ZC2HC1A: variants seen among roughly 807,000 people sequenced by gnomAD.
The protein encoded by ZC2HC1A is zinc finger C2HC-type containing 1A, also known as zinc finger C2HC domain-containing protein 1A.
A neutral mutation model predicts 40.7 loss-of-function variants in ZC2HC1A; 28 were observed. The ratio of observed to expected loss-of-function variants is 0.69; its 90% CI spans 0.51 to 0.94. The LOEUF is 0.94. Among genes scored for constraint, ZC2HC1A ranks in the 40% least tolerant of loss-of-function variants. The probability of loss-of-function intolerance (pLI) is 0.00; values close to 1 mark genes in which losing one functional copy is unlikely to be tolerated. For missense variants in ZC2HC1A, 389 were observed against 386.3 expected, an observed-to-expected ratio of 1.01 and a Z score of -0.06; for synonymous variants, 129 against 129.2, an observed-to-expected ratio of 1.00 and a Z score of 0.01.
chr8:78,669,307 G>GA (rs1258288640), intron 1 of ZC2HC1A, among the ~76,000 whole-genome samples: 1 of 143,732 alleles, frequency 7.0e-6, no homozygotes, highest in African/African-American at 3.0e-5. Flanking sequence ...TCCCTGCTAT[G>GA]AAAAAAATGG....
Position 78,689,335 on chromosome 8 carries a change from A to G in ZC2HC1A, c.466A>G (p.Thr156Ala), listed in dbSNP as rs17850447. The change falls in exon 5 of 9, where the codon ACA becomes GCA. Residue 156 changes from threonine (T) to alanine (A), a missense_variant. By Grantham distance (58) the Thr-to-Ala change is moderately conservative. Transcript: ENST00000263849. ...ARISNKGKFS[T>A]DTKGKPTSRT... The stretch of plus-strand genomic sequence containing the variant: ...TATTAGTAATAAAGGGAAATTTTCT[A>G]CAGATACCAAAGGAAAACCAACTTC... 8 of 1,601,612 alleles carry G rather than the reference A, an allele frequency of 5.0e-6. No homozygotes were observed. In the South Asian group the frequency reaches 5.6e-5, roughly 11 times the overall value.
intron 7 of ZC2HC1A, among the ~76,000 whole-genome samples, chr8:78,714,569 T>A (rs1811041043): frequency 6.6e-6 from 1 of 152,186 alleles, no homozygotes; most frequent in Non-Finnish European, 1.5e-5. Context: ...CCCAAGCCTC[T>A]GCTTTTAGTG....
intron 3 of ZC2HC1A, among the ~76,000 whole-genome samples, chr8:78,682,994 C>G (rs1563623936): frequency 6.6e-6 from 1 of 152,346 alleles, no homozygotes; most frequent in East Asian, 1.9e-4. Context: ...CCTTTGACTC[C>G]ATGTCTCACA....
intron 7 of ZC2HC1A, among the ~76,000 whole-genome samples, chr8:78,709,048 AT>A (rs1159546936): frequency 1.3e-5 from 2 of 152,180 alleles, no homozygotes; most frequent in Non-Finnish European, 2.9e-5. Context: ...CCCCATTTGA[AT>A]TGTTCCCTAG....
At chr8:78,705,840 C>T (rs1032064246) in intron 7 of ZC2HC1A, among the ~76,000 whole-genome samples, 17 of 151,960 alleles carry the variant, frequency 1.1e-4, no homozygotes, top group African/African-American at 4.1e-4. Flanking sequence ...TGGGGACTTA[C>T]TTAAAGAAGC....
intron 4 of ZC2HC1A, among the ~76,000 whole-genome samples, chr8:78,688,544 C>T (rs1810101296): frequency 6.6e-6 from 1 of 152,088 alleles, no homozygotes. Context: ...CATTTATTCC[C>T]AGTGTCTCAT....
Position 78,717,509 on chromosome 8 carries a change from A to AG in ZC2HC1A, c.*16_*17insG. The AG allele has an allele frequency of 3.2e-6, 5 of 1,554,948 alleles. No homozygotes were observed. The highest frequency in any genetic ancestry group is 4.3e-6 in the Non-Finnish European group (5 of 1,158,584). Reference sequence around the variant, plus strand: ...GATTCTATGAATAGAATCTCAAAAAAAAAAAAAAGCCAAGTTCAGAGTTTA... The same window carrying AG: ...GATTCTATGAATAGAATCTCAAAAAAGAAAAAAAAGCCAAGTTCAGAGTTTA... On this transcript the variant is annotated 3_prime_UTR_variant, in exon 9 of 9. Transcript: ENST00000263849.
chr8:78,697,253 T>A (rs536104893), intron 5 of ZC2HC1A, among the ~76,000 whole-genome samples, 154 bp from the exon 6 acceptor site: 1 of 152,380 alleles, frequency 6.6e-6, no homozygotes, highest in East Asian at 1.9e-4. Flanking sequence ...AATACATTAA[T>A]GATGTGCAAC....
chr8:78,667,194 C>A (rs997099997), intron 1 of ZC2HC1A, among the ~76,000 whole-genome samples: 1 of 152,126 alleles, frequency 6.6e-6, no homozygotes, highest in East Asian at 1.9e-4. Flanking sequence ...CTTTTTCAGT[C>A]ACCTATTCAC....
intron 2 of ZC2HC1A, among the ~76,000 whole-genome samples, chr8:78,678,333 A>T (rs1162078244): frequency 6.6e-6 from 1 of 152,108 alleles, no homozygotes; most frequent in African/African-American, 2.4e-5. Flanking sequence ...ATGTTAGAAG[A>T]GTGTTTATAA....
intron 1 of ZC2HC1A, among the ~76,000 whole-genome samples, chr8:78,674,453 A>C (rs1050136273): frequency 1.3e-5 from 2 of 152,322 alleles, no homozygotes; most frequent in Non-Finnish European, 2.9e-5. Flanking sequence ...TGTCTTATCT[A>C]AATGAACCTA....
chr8:78,706,316 G>T (rs894884188), intron 7 of ZC2HC1A, among the ~76,000 whole-genome samples: 2 of 152,142 alleles, frequency 1.3e-5, no homozygotes, highest in Non-Finnish European at 2.9e-5. Flanking sequence ...ATGTACGGGG[G>T]TCTAACATCC....
intron 5 of ZC2HC1A, among the ~76,000 whole-genome samples, chr8:78,696,965 C>A (rs543531747): frequency 1.3e-5 from 2 of 151,976 alleles, no homozygotes; most frequent in African/African-American, 2.4e-5. Flanking sequence ...TCCGTTAGAC[C>A]TTTTTTTCTT....
chr8:78,711,928 A>C, intron 7 of ZC2HC1A: 1 of 1,077,426 alleles, frequency 9.3e-7, no homozygotes, highest in South Asian at 1.4e-5. Context: ...TCTTTTAAAA[A>C]AACTTTATAT....
chr8:78,708,571 G>A (rs908920228), intron 7 of ZC2HC1A, among the ~76,000 whole-genome samples: 7 of 150,838 alleles, frequency 4.6e-5, no homozygotes, highest in Non-Finnish European at 1.0e-4. Context: ...GTAAAAAAAA[G>A]CAATCAAATC....
chr8:78,714,647 G>T (rs1811043505), intron 7 of ZC2HC1A, among the ~76,000 whole-genome samples: 2 of 152,108 alleles, frequency 1.3e-5, no homozygotes, highest in Non-Finnish European at 2.9e-5. Context: ...GAGACTCATG[G>T]ATGATCCAAC....
intron 1 of ZC2HC1A, among the ~76,000 whole-genome samples, chr8:78,673,039 A>G (rs1809478155): frequency 6.6e-6 from 1 of 151,924 alleles, no homozygotes; most frequent in Non-Finnish European, 1.5e-5. Flanking sequence ...TGCATTAGGT[A>G]TTTGTCTTAA....
At chr8:78,668,974 G>T (rs1349287283) in intron 1 of ZC2HC1A, among the ~76,000 whole-genome samples, 1 of 152,132 alleles carries the variant, frequency 6.6e-6, no homozygotes, top group Non-Finnish European at 1.5e-5. Context: ...CTTGTGGATT[G>T]TTGAAATTAT....
chr8:78,669,795 A>C (rs1348225328), intron 1 of ZC2HC1A, among the ~76,000 whole-genome samples: 1 of 151,988 alleles, frequency 6.6e-6, no homozygotes, highest in East Asian at 1.9e-4. Flanking sequence ...TTTATATATT[A>C]GTTTTTATTC....
Sources: gnomAD v4.1 joint callset for allele counts (sites outside exome capture counted in the v4.1 genomes callset) on GRCh38, gnomAD v4.1.1 for gene constraint, MANE v1.5 for transcripts, NCBI Gene and HGNC (gene_info 2026-07-23, HGNC 2026-07-21) for gene names.